The following RAB27A variants were observed in gnomAD, a reference collection of about 807,000 sequenced individuals.
RAB27A encodes the protein RAB27A, member RAS oncogene family.
In RAB27A, 17 loss-of-function variants were observed where a neutral mutation model predicts 20.8. The ratio of observed to expected loss-of-function variants is 0.82; its 90% CI spans 0.56 to 1.23. The LOEUF is 1.23. RAB27A is among the 50% of genes most tolerant of loss of function. The pLI, the probability that RAB27A is intolerant of heterozygous loss-of-function variation, is 0.00. For missense variants in RAB27A, 277 were observed against 266.7 expected (o/e 1.04, Z -0.27); for synonymous variants, 85 against 92.8 (o/e 0.92, Z 0.48).
At chr15:55,261,340 T>A (rs1173894682) in intron 2 of RAB27A, among the ~76,000 whole-genome samples, 1 of 151,772 alleles carries the variant, frequency 6.6e-6, no homozygotes, top group Non-Finnish European at 1.5e-5. Context: ...GAGGTTTCAG[T>A]GAGCCATGAT....
intron 6 of RAB27A, among the ~76,000 whole-genome samples, chr15:55,208,981 A>G (rs1052481656): frequency 7.2e-5 from 11 of 152,216 alleles, no homozygotes; most frequent in Admixed American, 1.3e-4. Context: ...GGAATTTTAA[A>G]AGGGACTTCA....
chr15:55,207,851 T>G (rs1217107438), intron 6 of RAB27A, among the ~76,000 whole-genome samples: 2 of 152,084 alleles, frequency 1.3e-5, no homozygotes, highest in Non-Finnish European at 2.9e-5. Context: ...CCCAGCTAAT[T>G]TTATCATGTT....
In RAB27A at chr15:55,295,377, C is replaced by G. The variant is rs920777775; in HGVS notation, c.-112+18662G>C. 3.3e-5 allele frequency among the ~76,000 whole-genome samples: 5 copies of G among 152,094 alleles called. No individual in the cohort carries two copies. The South Asian group carries it at 1.0e-3, about 32-fold the overall frequency. On this transcript the variant is annotated intron_variant, in intron 2 of 5. Transcript: ENST00000563262. ...CCTAAAAGAACTGAAAACAAGCATC[C>G]AAACAAATATTTAATACTTGTACAT...
chr15:55,274,269 C>T (rs916171168), intron 1 of RAB27A, among the ~76,000 whole-genome samples: 10 of 151,610 alleles, frequency 6.6e-5, no homozygotes, highest in Non-Finnish European at 5.9e-5. Flanking sequence ...AAGTTTACAG[C>T]GATAAATGCC....
chr15:55,262,545 GA>G (rs5812801), intron 2 of RAB27A, among the ~76,000 whole-genome samples: 113 of 141,570 alleles, frequency 8.0e-4, no homozygotes, highest in African/African-American at 2.6e-3. Context: ...CTGACTCAAA[GA>G]AAAAAAAAAA....
At chr15:55,252,856 C>T (rs536110594) in intron 2 of RAB27A, among the ~76,000 whole-genome samples, 69 of 151,766 alleles carry the variant, frequency 4.5e-4, no homozygotes, top group African/African-American at 1.4e-3. Flanking sequence ...GCTCCCTGGC[C>T]GGGCGCGGTG....
At chr15:55,266,651 A>G (rs1178255619) in intron 2 of RAB27A, among the ~76,000 whole-genome samples, 4 of 152,254 alleles carry the variant, frequency 2.6e-5, no homozygotes, top group African/African-American at 9.6e-5. Flanking sequence ...CCTTTAAAGC[A>G]CTAACTCATT....
chr15:55,267,563 C>A (rs1897545345), intron 2 of RAB27A, among the ~76,000 whole-genome samples: 1 of 152,176 alleles, frequency 6.6e-6, no homozygotes, highest in Non-Finnish European at 1.5e-5. Flanking sequence ...ATAGACAGCG[C>A]AAATAAATAA....
chr15:55,244,209 C>A (rs578178323), intron 2 of RAB27A, among the ~76,000 whole-genome samples: 2 of 151,844 alleles, frequency 1.3e-5, no homozygotes, highest in African/African-American at 4.8e-5. Context: ...AGCTACTCAG[C>A]GGGGTTGAGG....
At chr15:55,273,072 C>G (rs183750045) in intron 1 of RAB27A, among the ~76,000 whole-genome samples, 2 of 152,138 alleles carry the variant, frequency 1.3e-5, no homozygotes, top group Admixed American at 1.3e-4. Context: ...CCCTATCTAT[C>G]GATAATTACT....
intron 1 of RAB27A, among the ~76,000 whole-genome samples, chr15:55,275,936 A>AAAC (rs1275324816): frequency 8.5e-4 from 129 of 150,966 alleles, no homozygotes; most frequent in African/African-American, 3.0e-3. Context: ...AAAAAAAAAA[A>AAAC]AAAACAAGAG....
chr15:55,217,538 A>G (rs1895363987), intron 6 of RAB27A, among the ~76,000 whole-genome samples: 1 of 151,384 alleles, frequency 6.6e-6, no homozygotes, highest in African/African-American at 2.4e-5. Flanking sequence ...AGTGGTGCAC[A>G]CCTGTAGCCC....
At chr15:55,271,213 C>T (rs1190908302) in intron 1 of RAB27A, among the ~76,000 whole-genome samples, 4 of 152,204 alleles carry the variant, frequency 2.6e-5, no homozygotes, top group Non-Finnish European at 5.9e-5. Flanking sequence ...AATAAAATCC[C>T]TGCTCCTTAA....
At chr15:55,212,780 C>G (rs112537710) in intron 6 of RAB27A, among the ~76,000 whole-genome samples, 3 of 152,152 alleles carry the variant, frequency 2.0e-5, no homozygotes, top group African/African-American at 7.2e-5. Flanking sequence ...CCACCCGCCT[C>G]GGCCTCCCAA....
intron 2 of RAB27A, among the ~76,000 whole-genome samples, chr15:55,306,001 G>A (rs2141144401): frequency 1.3e-5 from 2 of 152,138 alleles, no homozygotes; most frequent in African/African-American, 4.8e-5. Context: ...GATGGTCATG[G>A]GGGGCACTAA....
chr15:55,283,420 A>C (rs1898068448), intron 1 of RAB27A, among the ~76,000 whole-genome samples: 1 of 152,136 alleles, frequency 6.6e-6, no homozygotes, highest in Non-Finnish European at 1.5e-5. Flanking sequence ...GGAAGTCCGG[A>C]ACACAGGAAT....
chr15:55,300,112 G>A (rs920256639), intron 2 of RAB27A, among the ~76,000 whole-genome samples: 6 of 152,046 alleles, frequency 3.9e-5, no homozygotes, highest in Admixed American at 6.6e-5. Flanking sequence ...GAGCCACCGC[G>A]CCTGGCCAAT....
chr15:55,230,735 T>C (rs989143829), intron 3 of RAB27A, among the ~76,000 whole-genome samples: 14 of 152,138 alleles, frequency 9.2e-5, no homozygotes, highest in Admixed American at 2.0e-4. Flanking sequence ...TTGTATAAAA[T>C]ATAATAATTA....
chr15:55,283,882 C>G (rs77894422), intron 1 of RAB27A, among the ~76,000 whole-genome samples: 1 of 152,144 alleles, frequency 6.6e-6, no homozygotes, highest in Non-Finnish European at 1.5e-5. Flanking sequence ...TTGCTTTTAA[C>G]GATACAAATA....
Sources: gnomAD v4.1 joint callset for allele counts (sites outside exome capture counted in the v4.1 genomes callset) on GRCh38, gnomAD v4.1.1 for gene constraint, MANE v1.5 for transcripts, NCBI Gene and HGNC (gene_info 2026-07-23, HGNC 2026-07-21) for gene names.